ALG14: variants seen among roughly 807,000 people sequenced by gnomAD.
ALG14 encodes the protein ALG14 UDP-N-acetylglucosaminyltransferase subunit, also known as UDP-N-acetylglucosamine transferase subunit ALG14.
ALG14 carries 17 observed loss-of-function variants against 22.8 expected under a neutral mutation model. The observed-to-expected ratio is 0.75, with a 90% CI of 0.51 to 1.12. The LOEUF is 1.12. Ranked by LOEUF, ALG14 falls within the 50% of genes most tolerant of loss-of-function variation. The pLI is 0.00. For missense variants in ALG14, 288 were observed against 271.8 expected, an observed-to-expected ratio of 1.06 and a Z score of -0.42; for synonymous variants, 89 against 103.7, an observed-to-expected ratio of 0.86 and a Z score of 0.86.
intron 3 of ALG14, among the ~76,000 whole-genome samples, chr1:95,002,416 G>C: frequency 6.6e-6 from 1 of 152,080 alleles, no homozygotes; most frequent in East Asian, 1.9e-4. Flanking sequence ...GTTGGGGATG[G>C]GGAGAAGGCA....
At chr1:95,022,363 T>C (rs946925398) in intron 3 of ALG14, 3 of 985,322 alleles carry the variant, frequency 3.0e-6, no homozygotes, top group South Asian at 4.7e-5. Flanking sequence ...AATTTCACCA[T>C]GCAACTGGGA....
At chr1:95,035,696 G>C (rs920867827) in intron 2 of ALG14, 1 of 152,190 alleles carries the variant, frequency 6.6e-6, no homozygotes, top group Non-Finnish European at 1.5e-5. Context: ...TCTGGCTTTA[G>C]ATTTGTGAAA....
At chr1:95,062,403 T>C (rs556149386) in intron 2 of ALG14, among the ~76,000 whole-genome samples, 53 of 152,250 alleles carry the variant, frequency 3.5e-4, no homozygotes, top group Non-Finnish European at 6.6e-4. Flanking sequence ...TACCTAGGTA[T>C]TAAGTCCAGC....
chr1:95,043,941 C>T (rs1443388410), intron 2 of ALG14, among the ~76,000 whole-genome samples: 1 of 152,052 alleles, frequency 6.6e-6, no homozygotes, highest in African/African-American at 2.4e-5. Flanking sequence ...TGAATCTGTG[C>T]AAAGTGGTTC....
chr1:94,987,007 T>C (rs2100714778), intron 3 of ALG14, among the ~76,000 whole-genome samples: 1 of 152,222 alleles, frequency 6.6e-6, no homozygotes. Context: ...AGCAGAACAC[T>C]TGCTGGAGCT....
rs1468605747 is a variant in ALG14, at chr1:95,056,730, ATTTGG to A, written c.288+8131_288+8135del. ...CTTTAAGTCCTAAGGGAAAATATAAATTTGGATTCCTAAAGGAAAATATAAACATT... is the reference window on the plus strand; with the variant it reads ...CTTTAAGTCCTAAGGGAAAATATAAAATTCCTAAAGGAAAATATAAACATT... On this transcript the variant is annotated intron_variant, in intron 2 of 3. Transcript: ENST00000370205. Among the ~76,000 whole-genome samples, 476 of 152,140 alleles carry A rather than the reference ATTTGG, an allele frequency of 3.1e-3. 20 individuals carry two copies. The East Asian group carries it at 0.088, about 28-fold the overall frequency.
At chr1:95,019,704 G>C (rs1308221566) in intron 3 of ALG14, among the ~76,000 whole-genome samples, 1 of 152,134 alleles carries the variant, frequency 6.6e-6, no homozygotes, top group Non-Finnish European at 1.5e-5. Context: ...AACCTGGCCG[G>C]GCACAGTGGC....
chr1:94,984,862 G>A (rs577714161), intron 3 of ALG14, among the ~76,000 whole-genome samples: 1 of 152,312 alleles, frequency 6.6e-6, no homozygotes, highest in South Asian at 2.1e-4. Flanking sequence ...CTATGGCCAA[G>A]TACTGCACTA....
At chr1:95,041,870 T>C (rs2100798380) in intron 2 of ALG14, among the ~76,000 whole-genome samples, 2 of 152,154 alleles carry the variant, frequency 1.3e-5, no homozygotes, top group Middle Eastern at 3.4e-3. Context: ...GATTCTTATA[T>C]AAACAGAAAA....
chr1:95,029,867 A>G (rs1673944439), intron 2 of ALG14, among the ~76,000 whole-genome samples: 1 of 152,204 alleles, frequency 6.6e-6, no homozygotes, highest in South Asian at 2.1e-4. Flanking sequence ...ATATGTATCC[A>G]CTATTTTTAT....
At chr1:95,070,421 G>T (rs1236076295) in intron 1 of ALG14, among the ~76,000 whole-genome samples, 2 of 152,218 alleles carry the variant, frequency 1.3e-5, no homozygotes, top group Admixed American at 1.3e-4. Context: ...GGGCAAAAGG[G>T]AAGTTTCCCC....
chr1:95,022,111 A>C (rs1419574325), intron 3 of ALG14, among the ~76,000 whole-genome samples: 1 of 152,228 alleles, frequency 6.6e-6, no homozygotes, highest in Non-Finnish European at 1.5e-5. Flanking sequence ...TGCCAAGTGG[A>C]AAAAGCATCG....
chr1:95,057,185 A>C (rs1019817844), intron 2 of ALG14, among the ~76,000 whole-genome samples: 1 of 151,148 alleles, frequency 6.6e-6, no homozygotes, highest in African/African-American at 2.4e-5. Flanking sequence ...CACACACACA[A>C]CTCTGTTATA....
chr1:94,998,854 G>A (rs1201497172), intron 3 of ALG14, among the ~76,000 whole-genome samples: 1 of 152,124 alleles, frequency 6.6e-6, no homozygotes, highest in Admixed American at 6.5e-5. Flanking sequence ...TTGGGCTTGG[G>A]AAGATGAGTA....
rs562635794 is a variant in ALG14, at chr1:95,001,300, T to G, written c.421-17994A>C. Among the ~76,000 whole-genome samples the G allele has an allele frequency of 2.6e-5, 4 of 152,316 alleles. No individual in the cohort carries two copies. The South Asian group carries it at 8.3e-4, about 32-fold the overall frequency. ...GGTTTTTTCACTTTTTAAATTCTTT[T>G]CAGCTTGTCGGTTGTCAACATGTGA... is the stretch of plus-strand genomic sequence containing the variant. On this transcript the variant is annotated intron_variant, in intron 3 of 3. Transcript: ENST00000370205.
rs557590636 is a variant in ALG14 at position 95,058,752 on chromosome 1, A to G, written c.288+6114T>C. 1.2e-4 allele frequency among the ~76,000 whole-genome samples: 18 copies of G among 152,112 alleles called. No individual in the cohort carries two copies. In the South Asian group the frequency reaches 3.5e-3, roughly 30 times the overall value. ...AAATAGAAAACAAAATGAAATCAGA[A>G]GAAGACATGGTATACAAGAAACAGC... On this transcript the variant is annotated intron_variant, in intron 2 of 3. Coordinates refer to ENST00000370205, the MANE Select transcript of ALG14 (RefSeq NM_144988.4).
Position 94,982,525 on chromosome 1 carries a change from A to T in ALG14, c.*551T>A, listed in dbSNP as rs892075667. 1.3e-5 allele frequency: 2 copies of T among 153,026 alleles called. No homozygotes were observed. The highest frequency in any genetic ancestry group is 2.9e-5 in the Non-Finnish European group (2 of 68,788). 9.5% of individuals were successfully genotyped at this position (153,026 alleles called of 1,614,324 possible). ...TACTGGTTTATGCTCAAGGTTCTGG[A>T]GGCTTGTGGAGTGCAAATTGTCATG... On this transcript the variant is annotated 3_prime_UTR_variant, in exon 4 of 4. Coordinates refer to ENST00000370205, the MANE Select transcript of ALG14 (RefSeq NM_144988.4).
Position 94,978,453 on chromosome 1 carries a change from G to A in ALG14, c.*4623C>T, listed in dbSNP as rs1053471911. The A allele has an allele frequency of 5.3e-5, 8 of 152,222 alleles. No homozygotes were observed. Among genetic ancestry groups the A allele is most frequent in the African/African-American group, 1.9e-4 (8 of 41,446 alleles). The allele number at this position is 152,222 out of a possible 1,614,324, so 9.4% of individuals were successfully genotyped here. A position where few individuals can be genotyped will look rare whatever the true frequency, so the allele number is the denominator to read the frequency against. On this transcript the variant is annotated 3_prime_UTR_variant, in exon 4 of 4. Coordinates refer to ENST00000370205, the MANE Select transcript of ALG14 (RefSeq NM_144988.4). ...TGGAACAAGGATACAAAACTAGAAT[G>A]AGGTACAGTCCCTGAAGACAAACAT...
chr1:94,990,843 C>CA (rs1466256285), intron 3 of ALG14, among the ~76,000 whole-genome samples: 1 of 152,156 alleles, frequency 6.6e-6, no homozygotes, highest in Non-Finnish European at 1.5e-5. Flanking sequence ...CCAATTTAAT[C>CA]AAAAAAATAA....
Sources: gnomAD v4.1 joint callset for allele counts (sites outside exome capture counted in the v4.1 genomes callset) on GRCh38, gnomAD v4.1.1 for gene constraint, MANE v1.5 for transcripts, NCBI Gene and HGNC (gene_info 2026-07-23, HGNC 2026-07-21) for gene names.